Variants in MAD1L1 observed in about 807,000 individuals in gnomAD.
MAD1L1 encodes the protein mitotic spindle assembly checkpoint protein MAD1.
Under a neutral mutation model 96.9 loss-of-function variants are expected in MAD1L1, and 95 were observed. The observed-to-expected ratio is 0.98, with a 90% CI of 0.83 to 1.16. The LOEUF (loss-of-function observed/expected upper bound fraction) is 1.16. Among genes scored for constraint, MAD1L1 ranks in the 50% most tolerant of loss-of-function variants. The pLI is 0.00. For missense variants in MAD1L1, 1,007 were observed against 954.4 expected (o/e 1.06, Z -0.73); for synonymous variants, 473 against 396.6 (o/e 1.19, Z -2.29).
At chr7:1,871,974 G>A (rs1583615843) in intron 18 of MAD1L1, among the ~76,000 whole-genome samples, 2 of 152,144 alleles carry the variant, frequency 1.3e-5, no homozygotes, top group Non-Finnish European at 2.9e-5. Flanking sequence ...GCAGAGGGAG[G>A]GAGAGACAGG....
intron 17 of MAD1L1, among the ~76,000 whole-genome samples, chr7:1,935,421 AC>A (rs1382318583): frequency 2.0e-5 from 3 of 152,070 alleles, no homozygotes; most frequent in Non-Finnish European, 4.4e-5. Flanking sequence ...TTGTCCTCCA[AC>A]CCCACCATAC....
intron 18 of MAD1L1, among the ~76,000 whole-genome samples, chr7:1,887,861 ACGTGTGTGTG>A (rs1786207259): frequency 3.9e-4 from 51 of 132,154 alleles, no homozygotes; most frequent in East Asian, 9.6e-4. Flanking sequence ...GTGTGTGTGC[ACGTGTGTGTG>A]CAAGCATGCG....
At chr7:2,169,037 G>A (rs75850045) in intron 10 of MAD1L1, among the ~76,000 whole-genome samples, 6,747 of 152,268 alleles carry the variant, frequency 0.044, 519 homozygotes, top group African/African-American at 0.15. Context: ...ATGTGTACCC[G>A]GTGCTTGTCC....
intron 15 of MAD1L1, 115 bp downstream of exon 15, chr7:1,980,338 C>G (rs1236182540): frequency 2.4e-6 from 2 of 825,212 alleles, no homozygotes; most frequent in South Asian, 1.7e-5. Context: ...CCTCCTCCCC[C>G]ACAGGACACA....
intron 15 of MAD1L1, among the ~76,000 whole-genome samples, chr7:1,973,283 A>C (rs1444994464): frequency 6.6e-6 from 1 of 151,972 alleles, no homozygotes; most frequent in Non-Finnish European, 1.5e-5. Flanking sequence ...GGGTTTTCTA[A>C]CTGTTATTTG....
intron 12 of MAD1L1, among the ~76,000 whole-genome samples, chr7:2,061,208 G>A (rs530885603): frequency 9.9e-5 from 15 of 152,262 alleles, no homozygotes; most frequent in East Asian, 9.6e-4. Context: ...GTGCTGGCGC[G>A]TGCCTGTAGT....
chr7:2,011,672 C>A (rs1782309514), intron 13 of MAD1L1, among the ~76,000 whole-genome samples: 1 of 152,238 alleles, frequency 6.6e-6, no homozygotes, highest in African/African-American at 2.4e-5. Flanking sequence ...GGCAAGGCAT[C>A]AGGTCACGCT....
rs528962081 is a variant in MAD1L1, at chr7:2,060,591, G to A, written c.1218+8603C>T. 4.6e-5 allele frequency among the ~76,000 whole-genome samples: 7 copies of A among 152,280 alleles called. No homozygotes were observed. The South Asian group carries it at 1.5e-3, about 32-fold the overall frequency. ...CACAGGGAAACACTGGAAGGAGGAG[G>A]CAACGACGACAGCATGGAATCGTAA... On this transcript the variant is annotated intron_variant, in intron 12 of 18. Transcript: ENST00000265854.
At chr7:1,937,284 G>A (rs893492279) in intron 16 of MAD1L1, among the ~76,000 whole-genome samples, 24 of 152,306 alleles carry the variant, frequency 1.6e-4, no homozygotes, top group Non-Finnish European at 2.5e-4. Flanking sequence ...GGGAGCCCGT[G>A]TGGCCATGTT....
intron 11 of MAD1L1, among the ~76,000 whole-genome samples, chr7:2,111,291 C>T (rs1364107589): frequency 6.6e-6 from 1 of 152,202 alleles, no homozygotes; most frequent in Non-Finnish European, 1.5e-5. Flanking sequence ...CCTCCATGCA[C>T]CCCTCCACCT....
chr7:2,187,555 A>G (rs1320669320), intron 10 of MAD1L1, among the ~76,000 whole-genome samples: 2 of 152,144 alleles, frequency 1.3e-5, no homozygotes, highest in Non-Finnish European at 2.9e-5. Context: ...AACAGCCACA[A>G]ACTCCTGGGC....
At chr7:2,212,545 G>A (rs1288045978) in intron 10 of MAD1L1, among the ~76,000 whole-genome samples, 15 of 152,174 alleles carry the variant, frequency 9.9e-5, no homozygotes, top group Admixed American at 9.2e-4. Context: ...ATTTAGAAGT[G>A]TGTGGCACCT....
At chr7:2,220,914 C>G (rs1266113383) in intron 5 of MAD1L1, 1 of 1,612,060 alleles carries the variant, frequency 6.2e-7, no homozygotes, top group South Asian at 1.1e-5. Flanking sequence ...AGATGCAGGG[C>G]CGAGCCCACC....
chr7:1,978,402 C>T (rs6969587), intron 15 of MAD1L1, among the ~76,000 whole-genome samples: 52,666 of 152,160 alleles, frequency 0.35, 9,257 homozygotes, highest in Middle Eastern at 0.4. Context: ...AAGCCAACTC[C>T]GGCTTCGGAG....
intron 17 of MAD1L1, among the ~76,000 whole-genome samples, chr7:1,920,354 GAC>G (rs1408117813): frequency 6.6e-6 from 1 of 152,244 alleles, no homozygotes; most frequent in Non-Finnish European, 1.5e-5. Context: ...ATGGAGCAGC[GAC>G]AGTGTGTGGG....
chr7:1,856,613 TAATA>T (rs1308694332), intron 18 of MAD1L1, among the ~76,000 whole-genome samples: 1 of 152,092 alleles, frequency 6.6e-6, no homozygotes, highest in African/African-American at 2.4e-5. Context: ...TAAGATTCAT[TAATA>T]AAGAAAAGTT....
chr7:2,047,083 G>A (rs550187493), intron 12 of MAD1L1, among the ~76,000 whole-genome samples: 1 of 152,302 alleles, frequency 6.6e-6, no homozygotes, highest in African/African-American at 2.4e-5. Flanking sequence ...CCACCCTCCT[G>A]GGCAAACAGT....
chr7:1,988,703 A>C (rs1038283254), intron 14 of MAD1L1, among the ~76,000 whole-genome samples: 2 of 152,200 alleles, frequency 1.3e-5, no homozygotes, highest in African/African-American at 4.8e-5. Flanking sequence ...CTTCTTGGGA[A>C]GGGCCGTGAT....
intron 15 of MAD1L1, among the ~76,000 whole-genome samples, chr7:1,959,872 G>C (rs112168076): frequency 1.1e-4 from 16 of 152,250 alleles, no homozygotes; most frequent in African/African-American, 3.6e-4. Flanking sequence ...AGGAGGGCTG[G>C]AACAGCAGCT....
Sources: gnomAD v4.1 joint callset for allele counts (sites outside exome capture counted in the v4.1 genomes callset) on GRCh38, gnomAD v4.1.1 for gene constraint, MANE v1.5 for transcripts, NCBI Gene and HGNC (gene_info 2026-07-23, HGNC 2026-07-21) for gene names.